The following DOK5 variants were observed in gnomAD, a reference collection of about 807,000 sequenced individuals.
DOK5 encodes the protein downstream of tyrosine kinase 5.
A neutral mutation model predicts 43.3 loss-of-function variants in DOK5; 27 were observed. The ratio of observed to expected loss-of-function variants is 0.62; its 90% CI spans 0.46 to 0.86. The LOEUF is 0.86. DOK5 is among the 40% of genes least tolerant of loss of function. The pLI, the probability that DOK5 is intolerant of heterozygous loss-of-function variation, is 0.00. For synonymous variants in DOK5, 146 were observed against 140.1 expected (o/e 1.04, Z -0.30); for missense variants, 373 against 392.9 (o/e 0.95, Z 0.43).
intron 5 of DOK5, among the ~76,000 whole-genome samples, chr20:54,600,446 C>G (rs374705907): frequency 9.2e-5 from 14 of 152,146 alleles, no homozygotes; most frequent in Middle Eastern, 3.4e-3. Flanking sequence ...CAGAACTCAC[C>G]AAAAGCTATT....
At chr20:54,479,960 C>T (rs957401925) in intron 1 of DOK5, among the ~76,000 whole-genome samples, 2 of 151,998 alleles carry the variant, frequency 1.3e-5, no homozygotes, top group African/African-American at 2.4e-5. Context: ...ATCTAGAATC[C>T]GGCTGTCACC....
chr20:54,528,850 A>T (rs1600682371), intron 1 of DOK5, among the ~76,000 whole-genome samples: 1 of 151,116 alleles, frequency 6.6e-6, no homozygotes, highest in Non-Finnish European at 1.5e-5. Context: ...ATAATGAGTT[A>T]AAAAAAAAGC....
At chr20:54,584,759 A>G (rs1985752397) in intron 2 of DOK5, among the ~76,000 whole-genome samples, 1 of 140,634 alleles carries the variant, frequency 7.1e-6, no homozygotes, top group East Asian at 2.0e-4. Flanking sequence ...GTGTGTGTGT[A>G]TATATATCTA....
At position 54,616,325 on chromosome 20, in the gene DOK5, G is replaced by A. The variant is rs535828327; in HGVS notation, c.735+5802G>A. On this transcript the variant is annotated intron_variant, in intron 6 of 7. Transcript: ENST00000262593. ...GACACGTTTTCTTTATCCTACATGA[G>A]ATTAACTCACTGTTATTCTGAAAAC... Among the ~76,000 whole-genome samples, 4 of 152,242 alleles carry A rather than the reference G, an allele frequency of 2.6e-5. 1 individual carries two copies. The highest frequency in any genetic ancestry group is 9.6e-5 in the African/African-American group (4 of 41,546).
chr20:54,633,506 T>A (rs1978670153), intron 6 of DOK5, among the ~76,000 whole-genome samples: 1 of 152,188 alleles, frequency 6.6e-6, no homozygotes, highest in Admixed American at 6.5e-5. Context: ...GAAAATTAGT[T>A]GGGTTACATA....
chr20:54,580,463 C>T (rs764128706), intron 2 of DOK5, among the ~76,000 whole-genome samples: 37 of 152,088 alleles, frequency 2.4e-4, no homozygotes, highest in Non-Finnish European at 4.9e-4. Flanking sequence ...ACATTCCCAT[C>T]GAGAGCACAC....
At position 54,604,058 on chromosome 20, in the gene DOK5, T is replaced by C. The variant is rs190870471; in HGVS notation, c.600-6330T>C. 5.3e-3 allele frequency among the ~76,000 whole-genome samples: 794 copies of C among 148,788 alleles called. 1 individual carries two copies. Among genetic ancestry groups the C allele is most frequent in the Non-Finnish European group, 8.5e-3 (573 of 67,446 alleles). The stretch of plus-strand genomic sequence containing the variant: ...GCCTCCCGGGTTCACGCCGTTCTCC[T>C]GCCTCAGCCTCCCGAGTAGCTGAGA... On this transcript the variant is annotated intron_variant, in intron 5 of 7. Coordinates refer to ENST00000262593, the MANE Select transcript of DOK5 (RefSeq NM_018431.5).
At chr20:54,519,133 A>G (rs1600676379) in intron 1 of DOK5, among the ~76,000 whole-genome samples, 1 of 152,200 alleles carries the variant, frequency 6.6e-6, no homozygotes, top group Non-Finnish European at 1.5e-5. Flanking sequence ...AGGCTTGTGG[A>G]GTTGCTTAAC....
intron 4 of DOK5, among the ~76,000 whole-genome samples, chr20:54,589,331 GT>G (rs1222244056): frequency 6.6e-6 from 1 of 151,964 alleles, no homozygotes; most frequent in Admixed American, 6.6e-5. Flanking sequence ...ACTTTCCAAT[GT>G]TTTCAATATA....
chr20:54,495,532 T>C (rs137928418), intron 1 of DOK5, among the ~76,000 whole-genome samples: 1 of 152,294 alleles, frequency 6.6e-6, no homozygotes, highest in Non-Finnish European at 1.5e-5. Flanking sequence ...TGGGGAATAT[T>C]TGTATAATAG....
At chr20:54,600,880 G>C (rs1277772938) in intron 5 of DOK5, among the ~76,000 whole-genome samples, 1 of 152,184 alleles carries the variant, frequency 6.6e-6, no homozygotes, top group Non-Finnish European at 1.5e-5. Flanking sequence ...TCTTCTCTAT[G>C]CTGGAGGTGT....
intron 2 of DOK5, among the ~76,000 whole-genome samples, chr20:54,558,074 T>A (rs1388327652): frequency 6.6e-6 from 1 of 152,194 alleles, no homozygotes; most frequent in African/African-American, 2.4e-5. Context: ...TGTCTATGTG[T>A]CATACTTTTA....
At chr20:54,483,741 A>G (rs1981819304) in intron 1 of DOK5, among the ~76,000 whole-genome samples, 1 of 152,218 alleles carries the variant, frequency 6.6e-6, no homozygotes, top group African/African-American at 2.4e-5. Context: ...GAGTTTAGAA[A>G]TGCCACATGA....
In DOK5 at chr20:54,576,915, T is replaced by C. The variant is rs146014256; in HGVS notation, c.175-11568T>C. ...TTCGCATTTCCAAGTGGTGTACTTT[T>C]AAAGATGCAGTTTATGATTTTCAGA... On this transcript the variant is annotated intron_variant, in intron 2 of 7. Coordinates refer to ENST00000262593, the MANE Select transcript of DOK5 (RefSeq NM_018431.5). Among the ~76,000 whole-genome samples, 44 of 152,376 alleles carry C rather than the reference T, an allele frequency of 2.9e-4. No homozygotes were observed. In the East Asian group the frequency reaches 8.5e-3, roughly 29 times the overall value.
chr20:54,513,152 TC>T (rs1036885762), intron 1 of DOK5, among the ~76,000 whole-genome samples: 1 of 152,102 alleles, frequency 6.6e-6, no homozygotes, highest in African/African-American at 2.4e-5. Context: ...TTTTGCCTCT[TC>T]CTAGAGTGTA....
intron 4 of DOK5, 93 bp from the exon 5 acceptor site, chr20:54,591,523 A>G: frequency 1.0e-6 from 1 of 975,206 alleles, no homozygotes; most frequent in Non-Finnish European, 1.5e-6. Context: ...TAGAATGTGA[A>G]CTTGAATTGT....
intron 2 of DOK5, among the ~76,000 whole-genome samples, chr20:54,578,218 G>A (rs1568792665): frequency 6.6e-6 from 1 of 152,090 alleles, no homozygotes; most frequent in South Asian, 2.1e-4. Context: ...AATTACTTCA[G>A]GATGTCAAAA....
intron 1 of DOK5, among the ~76,000 whole-genome samples, chr20:54,509,697 TTCTCTCC>T (rs1261299374): frequency 1.3e-5 from 2 of 152,192 alleles, no homozygotes; most frequent in African/African-American, 4.8e-5. Flanking sequence ...ATTTTCTCCT[TTCTCTCC>T]TCTCCACTTC....
chr20:54,576,809 G>A (rs1441134538), intron 2 of DOK5, among the ~76,000 whole-genome samples: 2 of 152,236 alleles, frequency 1.3e-5, no homozygotes, highest in Non-Finnish European at 2.9e-5. Flanking sequence ...AAGTAGGAAA[G>A]ATGAGTTTAG....
Sources: gnomAD v4.1 joint callset for allele counts (sites outside exome capture counted in the v4.1 genomes callset) on GRCh38, gnomAD v4.1.1 for gene constraint, MANE v1.5 for transcripts, NCBI Gene and HGNC (gene_info 2026-07-23, HGNC 2026-07-21) for gene names.